CDKAL1: variants seen among roughly 807,000 people sequenced by gnomAD.
CDKAL1 encodes CDKAL1 threonylcarbamoyladenosine tRNA methylthiotransferase.
CDKAL1 carries 32 observed loss-of-function variants against 68.2 expected under a neutral mutation model. The observed-to-expected ratio is 0.47, with a 90% CI of 0.35 to 0.63. The LOEUF is 0.63. Among genes scored for constraint, CDKAL1 ranks in the 30% least tolerant of loss-of-function variants. The pLI is 0.00. For synonymous variants in CDKAL1, 234 were observed against 244.3 expected (o/e 0.96, Z 0.39); for missense variants, 606 against 696.7 (o/e 0.87, Z 1.47).
At chr6:20,992,387 T>C (rs1329441308) in intron 10 of CDKAL1, among the ~76,000 whole-genome samples, 2 of 151,884 alleles carry the variant, frequency 1.3e-5, no homozygotes, top group African/African-American at 4.8e-5. Flanking sequence ...CCATTTTTTG[T>C]CTCTGTTATA....
chr6:21,072,105 T>C (rs537978752), intron 12 of CDKAL1, among the ~76,000 whole-genome samples: 21 of 152,326 alleles, frequency 1.4e-4, no homozygotes, highest in East Asian at 7.7e-4. Context: ...TCTATGGTGA[T>C]TTTACCAGGA....
intron 13 of CDKAL1, among the ~76,000 whole-genome samples, chr6:21,169,999 A>G (rs1445938299): frequency 6.8e-6 from 1 of 146,284 alleles, no homozygotes; most frequent in Non-Finnish European, 1.5e-5. Context: ...GCTACAATTC[A>G]AAATGAGATT....
intron 9 of CDKAL1, among the ~76,000 whole-genome samples, chr6:20,867,684 G>A (rs1759980975): frequency 6.6e-6 from 1 of 152,166 alleles, no homozygotes; most frequent in Non-Finnish European, 1.5e-5. Context: ...CCATGGTGAA[G>A]GCTGACACAG....
chr6:20,872,686 A>G (rs1760287551), intron 9 of CDKAL1, among the ~76,000 whole-genome samples: 1 of 145,732 alleles, frequency 6.9e-6, no homozygotes, highest in Non-Finnish European at 1.5e-5. Context: ...AAGAGAACAT[A>G]TTAACAAATC....
At chr6:20,700,639 T>C (rs993281845) in intron 5 of CDKAL1, among the ~76,000 whole-genome samples, 3 of 152,132 alleles carry the variant, frequency 2.0e-5, no homozygotes, top group African/African-American at 7.2e-5. Flanking sequence ...CTCAGATTTG[T>C]TTTATGGTAT....
At chr6:21,154,834 C>CA (rs1356644515) in intron 13 of CDKAL1, among the ~76,000 whole-genome samples, 1 of 150,742 alleles carries the variant, frequency 6.6e-6, no homozygotes. Context: ...CTAAAAATAC[C>CA]AAAAAAAAAT....
chr6:20,644,203 C>G (rs996712517), intron 4 of CDKAL1, among the ~76,000 whole-genome samples: 3 of 151,286 alleles, frequency 2.0e-5, no homozygotes, highest in African/African-American at 7.3e-5. Context: ...CTGTAAACTC[C>G]CTGAGGGTAG....
intron 13 of CDKAL1, among the ~76,000 whole-genome samples, chr6:21,139,666 G>C (rs1003265455): frequency 6.6e-6 from 1 of 151,832 alleles, no homozygotes; most frequent in African/African-American, 2.4e-5. Flanking sequence ...ACGCACCACC[G>C]TGTAACTAAT....
At chr6:21,159,627 A>G (rs1353625263) in intron 13 of CDKAL1, among the ~76,000 whole-genome samples, 1 of 152,208 alleles carries the variant, frequency 6.6e-6, no homozygotes, top group Non-Finnish European at 1.5e-5. Context: ...GGACACTTAA[A>G]TGAAGACAGT....
In CDKAL1 at chr6:21,226,538, A is replaced by G. The variant is rs79393391; in HGVS notation, c.1549-4310A>G. Among the ~76,000 whole-genome samples, 9 of 152,352 alleles carry G rather than the reference A, an allele frequency of 5.9e-5. No homozygotes were observed. The East Asian group carries it at 1.7e-3, about 29-fold the overall frequency. ...TGCGCCCCTTAGTCTTTATTATAAC[A>G]GGATAAATAACTCCATTTAACAGAT... On this transcript the variant is annotated intron_variant, in intron 15 of 15. Coordinates refer to ENST00000274695, the MANE Select transcript of CDKAL1 (RefSeq NM_017774.3).
intron 5 of CDKAL1, among the ~76,000 whole-genome samples, chr6:20,708,554 C>G (rs1479904582): frequency 6.6e-6 from 1 of 152,066 alleles, no homozygotes; most frequent in Non-Finnish European, 1.5e-5. Context: ...GAACTTTGGT[C>G]TTTTCTTTTG....
intron 9 of CDKAL1, among the ~76,000 whole-genome samples, chr6:20,917,560 G>C (rs986073095): frequency 2.6e-5 from 4 of 152,032 alleles, no homozygotes; most frequent in Non-Finnish European, 5.9e-5. Context: ...ATGGTATTTG[G>C]TTATATGAAT....
At chr6:21,087,822 GA>G (rs989136187) in intron 12 of CDKAL1, among the ~76,000 whole-genome samples, 1 of 151,208 alleles carries the variant, frequency 6.6e-6, no homozygotes, top group African/African-American at 2.4e-5. Context: ...ACATTTCCTA[GA>G]AAAAAAACAA....
intron 12 of CDKAL1, among the ~76,000 whole-genome samples, chr6:21,070,851 C>T (rs1771733574): frequency 6.6e-6 from 1 of 152,174 alleles, no homozygotes; most frequent in Non-Finnish European, 1.5e-5. Flanking sequence ...ATTGTAGTCC[C>T]TGAACAGCAG....
chr6:21,166,954 C>T (rs1208050887), intron 13 of CDKAL1, among the ~76,000 whole-genome samples: 3 of 152,172 alleles, frequency 2.0e-5, no homozygotes, highest in Non-Finnish European at 2.9e-5. Flanking sequence ...CTGGTTCCAC[C>T]ATATACCAGC....
At chr6:20,567,633 G>T (rs1426831269) in intron 4 of CDKAL1, among the ~76,000 whole-genome samples, 2 of 152,160 alleles carry the variant, frequency 1.3e-5, no homozygotes, top group African/African-American at 4.8e-5. Flanking sequence ...GGAGTTGGAA[G>T]ATTTGGGGTC....
intron 11 of CDKAL1, among the ~76,000 whole-genome samples, chr6:21,016,152 GTA>G (rs145660610): frequency 1.8e-4 from 26 of 148,014 alleles, no homozygotes; most frequent in Admixed American, 4.0e-4. Context: ...ATATATATGT[GTA>G]TATATATATA....
At chr6:20,895,335 A>G (rs1761625455) in intron 9 of CDKAL1, among the ~76,000 whole-genome samples, 1 of 152,238 alleles carries the variant, frequency 6.6e-6, no homozygotes, top group South Asian at 2.1e-4. Flanking sequence ...TTCCTTTTAT[A>G]CACATGTGAG....
At chr6:20,586,699 G>A (rs1765370546) in intron 4 of CDKAL1, among the ~76,000 whole-genome samples, 1 of 152,160 alleles carries the variant, frequency 6.6e-6, no homozygotes, top group African/African-American at 2.4e-5. Flanking sequence ...CTGGCCATGT[G>A]TCTGTTAAGT....
Sources: gnomAD v4.1 joint callset for allele counts (sites outside exome capture counted in the v4.1 genomes callset) on GRCh38, gnomAD v4.1.1 for gene constraint, MANE v1.5 for transcripts, NCBI Gene and HGNC (gene_info 2026-07-23, HGNC 2026-07-21) for gene names.